The following NKAIN2 variants were observed in gnomAD, a reference collection of about 807,000 sequenced individuals.
NKAIN2 encodes sodium/potassium-transporting ATPase subunit beta-1-interacting protein 2.
NKAIN2 carries 14 observed loss-of-function variants against 32.6 expected under a neutral mutation model. The observed-to-expected ratio is 0.43, with a 90% CI of 0.28 to 0.67. The LOEUF (loss-of-function observed/expected upper bound fraction) is 0.67, where lower values mean the gene tolerates loss of function less well. Ranked by LOEUF, NKAIN2 falls within the 30% of genes least tolerant of loss-of-function variation. The pLI is 0.17. For synonymous variants in NKAIN2, 80 were observed against 87.2 expected (o/e 0.92, Z 0.46); for missense variants, 198 against 258.3 (o/e 0.77, Z 1.60).
chr6:124,301,360 C>T lies in NKAIN2; in HGVS notation c.192+18218C>T, dbSNP rs146716293. On this transcript the variant is annotated intron_variant, in intron 2 of 6. Coordinates refer to ENST00000368417, the MANE Select transcript of NKAIN2 (RefSeq NM_001040214.3). ...TGTCCAGGTAGAGGTGTCCTGCAGGCGCAGAACCCTCGTGGGGAACCTCTG... is the reference window on the plus strand; with the variant it reads ...TGTCCAGGTAGAGGTGTCCTGCAGGTGCAGAACCCTCGTGGGGAACCTCTG... Among the ~76,000 whole-genome samples the T allele has an allele frequency of 8.3e-4, 127 of 152,300 alleles. 1 individual carries two copies. Among genetic ancestry groups the T allele is most frequent in the African/African-American group, 2.9e-3 (120 of 41,576 alleles).
intron 3 of NKAIN2, among the ~76,000 whole-genome samples, chr6:124,558,243 A>T (rs1237969152): frequency 6.6e-6 from 1 of 152,186 alleles, no homozygotes; most frequent in African/African-American, 2.4e-5. Context: ...TATGTGTAGC[A>T]TCCATGGTTT....
intron 3 of NKAIN2, among the ~76,000 whole-genome samples, chr6:124,470,856 G>C (rs1452293893): frequency 3.0e-4 from 46 of 152,150 alleles, no homozygotes; most frequent in Non-Finnish European, 1.2e-4. Context: ...TTTTAGCTTT[G>C]CTAAACTTAT....
At chr6:123,867,597 G>A (rs963692456) in intron 1 of NKAIN2, among the ~76,000 whole-genome samples, 1 of 152,144 alleles carries the variant, frequency 6.6e-6, no homozygotes, top group African/African-American at 2.4e-5. Context: ...AAAAATGTTG[G>A]CTATTGCCAA....
intron 1 of NKAIN2, among the ~76,000 whole-genome samples, chr6:124,261,441 T>C (rs915943398): frequency 2.0e-5 from 3 of 152,164 alleles, no homozygotes; most frequent in Non-Finnish European, 4.4e-5. Flanking sequence ...TTTACATGTT[T>C]GAATCCCTCA....
intron 4 of NKAIN2, chr6:124,658,801 C>G (rs1028020666): frequency 4.0e-6 from 1 of 247,234 alleles, no homozygotes; most frequent in Non-Finnish European, 7.7e-6. Context: ...TGGGATTTCT[C>G]TTTTTCATTT....
intron 3 of NKAIN2, among the ~76,000 whole-genome samples, chr6:124,375,310 C>A (rs953784475): frequency 6.6e-6 from 1 of 150,910 alleles, no homozygotes; most frequent in African/African-American, 2.4e-5. Flanking sequence ...GAATGTCTGT[C>A]TTTCCTGTGA....
intron 1 of NKAIN2, among the ~76,000 whole-genome samples, chr6:123,996,826 T>C (rs982518772): frequency 1.3e-5 from 2 of 152,214 alleles, no homozygotes; most frequent in East Asian, 1.9e-4. Flanking sequence ...AGGGACACTT[T>C]GAATTTTGTT....
At chr6:124,686,099 G>A (rs543590581) in intron 4 of NKAIN2, among the ~76,000 whole-genome samples, 1 of 152,248 alleles carries the variant, frequency 6.6e-6, no homozygotes, top group South Asian at 2.1e-4. Flanking sequence ...CTGGTTGGCT[G>A]TCAACCAGCA....
chr6:124,211,616 C>A (rs1791180397), intron 1 of NKAIN2, among the ~76,000 whole-genome samples: 1 of 151,908 alleles, frequency 6.6e-6, no homozygotes, highest in Non-Finnish European at 1.5e-5. Flanking sequence ...TTACTAAGGG[C>A]TTCTTTGAGG....
chr6:124,700,256 A>T (rs1468984260), intron 4 of NKAIN2, among the ~76,000 whole-genome samples: 1 of 152,194 alleles, frequency 6.6e-6, no homozygotes, highest in African/African-American at 2.4e-5. Flanking sequence ...AAAATAACTC[A>T]TGCATTAAAT....
At chr6:124,328,887 A>T (rs1214133771) in intron 2 of NKAIN2, among the ~76,000 whole-genome samples, 1 of 152,210 alleles carries the variant, frequency 6.6e-6, no homozygotes, top group East Asian at 1.9e-4. Context: ...CTGGCACACC[A>T]CAGGATTCTC....
chr6:124,343,180 C>T (rs1583081553), intron 2 of NKAIN2, among the ~76,000 whole-genome samples: 1 of 152,184 alleles, frequency 6.6e-6, no homozygotes, highest in East Asian at 1.9e-4. Context: ...TTTATGGCTG[C>T]ATAGTATTCA....
chr6:124,254,833 A>G (rs945896173), intron 1 of NKAIN2, among the ~76,000 whole-genome samples: 7 of 152,222 alleles, frequency 4.6e-5, no homozygotes, highest in African/African-American at 1.4e-4. Context: ...AAACAATAGT[A>G]TAACCTAACA....
chr6:123,804,091 C>G lies in NKAIN2; in HGVS notation c.-110C>G, dbSNP rs1032090876. On this transcript the variant is annotated 5_prime_UTR_variant, in exon 1 of 7. Coordinates refer to ENST00000368417, the MANE Select transcript of NKAIN2 (RefSeq NM_001040214.3). ...GGCAGCAGCAGCAGCCCGGAGCCCCCGAGCCCTCGGCAGGTTTGCGTGTCC... is the reference window on the plus strand; with the variant it reads ...GGCAGCAGCAGCAGCCCGGAGCCCCGGAGCCCTCGGCAGGTTTGCGTGTCC... 3.5e-5 allele frequency: 34 copies of G among 979,160 alleles called. No homozygotes were observed. The highest frequency in any genetic ancestry group is 2.4e-4 in the African/African-American group (15 of 62,832). The allele number at this position is 979,160 out of a possible 1,614,324, so 60.7% of individuals were successfully genotyped here. A position where few individuals can be genotyped will look rare whatever the true frequency, so the allele number is the denominator to read the frequency against.
chr6:123,953,562 A>G (rs1777423360), intron 1 of NKAIN2, among the ~76,000 whole-genome samples: 1 of 152,012 alleles, frequency 6.6e-6, no homozygotes, highest in African/African-American at 2.4e-5. Context: ...TGGTTTGTGC[A>G]TATGTGTGCC....
chr6:123,875,041 G>A (rs1239426080), intron 1 of NKAIN2, among the ~76,000 whole-genome samples: 1 of 151,854 alleles, frequency 6.6e-6, no homozygotes, highest in Non-Finnish European at 1.5e-5. Context: ...ATTATTATAG[G>A]TGCATTGGAA....
At chr6:124,007,235 G>A (rs140020796) in intron 1 of NKAIN2, among the ~76,000 whole-genome samples, 3 of 152,264 alleles carry the variant, frequency 2.0e-5, no homozygotes, top group East Asian at 3.9e-4. Flanking sequence ...CGGTATTATA[G>A]TCTATGGGAC....
rs144451979 is a variant in NKAIN2, at chr6:124,215,148, A to C, written c.55-67857A>C. Among the ~76,000 whole-genome samples, 117 of 152,310 alleles carry C rather than the reference A, an allele frequency of 7.7e-4. 1 individual carries two copies. The East Asian group carries it at 0.021, about 28-fold the overall frequency. On this transcript the variant is annotated intron_variant, in intron 1 of 6. Transcript: ENST00000368417. ...ATAAGCAATCAACACTTTAATTGTG[A>C]AGAAAAGAGCACTTTAGAACTCAAA... is the stretch of plus-strand genomic sequence containing the variant.
intron 1 of NKAIN2, among the ~76,000 whole-genome samples, chr6:123,951,163 T>C (rs146545151): frequency 2.8e-4 from 42 of 152,172 alleles, no homozygotes; most frequent in Non-Finnish European, 4.4e-4. Flanking sequence ...TTGTTAAGAA[T>C]TGTTCTGTGG....
Sources: gnomAD v4.1 joint callset for allele counts (sites outside exome capture counted in the v4.1 genomes callset) on GRCh38, gnomAD v4.1.1 for gene constraint, MANE v1.5 for transcripts, NCBI Gene and HGNC (gene_info 2026-07-23, HGNC 2026-07-21) for gene names.